Variants in SLC6A3 observed in about 807,000 individuals in gnomAD.
The protein encoded by SLC6A3 is sodium-dependent dopamine transporter.
Under a neutral mutation model 70.4 loss-of-function variants are expected in SLC6A3, and 19 were observed. That is an observed-to-expected ratio of 0.27 (90% CI 0.19 to 0.40). The LOEUF (loss-of-function observed/expected upper bound fraction) is 0.40. Among genes scored for constraint, SLC6A3 ranks in the 10% least tolerant of loss-of-function variants. The pLI is 1.00. For missense variants in SLC6A3, 613 were observed against 838.5 expected, an observed-to-expected ratio of 0.73 and a Z score of 3.32; for synonymous variants, 368 against 356.6, an observed-to-expected ratio of 1.03 and a Z score of -0.36.
Position 1,442,836 on chromosome 5 carries a change from G to A in SLC6A3, c.286+76C>T, listed in dbSNP as rs937528252. 4.7e-5 allele frequency: 69 copies of A among 1,462,270 alleles called. No individual in the cohort carries two copies. Among genetic ancestry groups the A allele is most frequent in the Non-Finnish European group, 5.5e-5 (57 of 1,044,546 alleles). The allele number at this position is 1,462,270 out of a possible 1,614,324, so 90.6% of individuals were successfully genotyped here. A position where few individuals can be genotyped will look rare whatever the true frequency, so the allele number is the denominator to read the frequency against. On this transcript the variant is annotated intron_variant, in intron 2 of 14. Coordinates refer to ENST00000270349, the MANE Select transcript of SLC6A3 (RefSeq NM_001044.5). The surrounding 1 kb of genome is among the most constrained non-coding windows in gnomAD (Gnocchi z 5.0). ...ATGGGAACAGCTTCATCTCGTTTCC[G>A]TACGTGCCTTGGCCCCGGCTGCCCC...
intron 4 of SLC6A3, among the ~76,000 whole-genome samples, chr5:1,424,192 ATT>A (rs1486778700): frequency 6.6e-6 from 1 of 152,202 alleles, no homozygotes; most frequent in Non-Finnish European, 1.5e-5. Context: ...CATCGCCACC[ATT>A]CTCTGCTCTT....
intron 1 of SLC6A3, among the ~76,000 whole-genome samples, chr5:1,444,665 T>C (rs1218466463): frequency 6.6e-6 from 1 of 152,118 alleles, no homozygotes; most frequent in Non-Finnish European, 1.5e-5. Flanking sequence ...GGAGGCCGCG[T>C]TGGGAGAGGG....
At chr5:1,440,659 G>T (rs765645247) in intron 3 of SLC6A3, among the ~76,000 whole-genome samples, 23 of 152,170 alleles carry the variant, frequency 1.5e-4, no homozygotes, top group Non-Finnish European at 2.9e-4. Flanking sequence ...AATCCAACAG[G>T]ACTTCTGGCC....
Position 1,421,799 on chromosome 5 carries a change from C to T in SLC6A3, c.792+77G>A, listed in dbSNP as rs1297415160. 2 of 1,529,382 alleles carry T rather than the reference C, an allele frequency of 1.3e-6. No individual in the cohort carries two copies. Among genetic ancestry groups the T allele is most frequent in the African/African-American group, 2.7e-5 (2 of 73,218 alleles). 94.7% of individuals were successfully genotyped at this position (1,529,382 alleles called of 1,614,324 possible). On this transcript the variant is annotated intron_variant, in intron 5 of 14. Coordinates refer to ENST00000270349, the MANE Select transcript of SLC6A3 (RefSeq NM_001044.5). The surrounding 1 kb of genome is among the most constrained non-coding windows in gnomAD (Gnocchi z 7.2). The stretch of plus-strand genomic sequence containing the variant: ...AACCCAACTGAGGCCACACGTGCAC[C>T]TCCTGTCCAGCCACGGCCACATGTC...
At chr5:1,434,315 G>A (rs457702) in intron 3 of SLC6A3, among the ~76,000 whole-genome samples, 47,387 of 152,102 alleles carry the variant, frequency 0.31, 8,340 homozygotes, top group East Asian at 0.53. Flanking sequence ...TTGACCTTCC[G>A]AGGCCTTCCA....
chr5:1,443,857 TG>T (rs769382109), intron 1 of SLC6A3, among the ~76,000 whole-genome samples: 47 of 144,482 alleles, frequency 3.3e-4, no homozygotes, highest in Middle Eastern at 3.7e-3. Flanking sequence ...TGTGTTTTTT[TG>T]TTGTTGTTGT....
Position 1,404,389 on chromosome 5 carries a change from G to A in SLC6A3, c.1600-1300C>T, listed in dbSNP as rs907407231. ...GAGCCACGCGTGCATCCCTGGACAT[G>A]TCGGGCTTGCCTATCTGACATGGAG... is the stretch of plus-strand genomic sequence containing the variant. On this transcript the variant is annotated intron_variant, in intron 12 of 14. Coordinates refer to ENST00000270349, the MANE Select transcript of SLC6A3 (RefSeq NM_001044.5). The surrounding 1 kb of genome is among the most constrained non-coding windows in gnomAD (Gnocchi z 5.2). Among the ~76,000 whole-genome samples the A allele has an allele frequency of 6.6e-6, 1 of 152,244 alleles. No individual in the cohort carries two copies. Among genetic ancestry groups the A allele is most frequent in the Non-Finnish European group, 1.5e-5 (1 of 68,036 alleles).
intron 7 of SLC6A3, among the ~76,000 whole-genome samples, chr5:1,415,747 G>A (rs1756275041): frequency 6.6e-6 from 1 of 152,106 alleles, no homozygotes; most frequent in Non-Finnish European, 1.5e-5. Context: ...AGCGAGGGAG[G>A]ACAGAGACCC....
At position 1,435,263 on chromosome 5, in the gene SLC6A3, C is replaced by T. The variant is rs72763593; in HGVS notation, c.419-2565G>A. On this transcript the variant is annotated intron_variant, in intron 3 of 14. Coordinates refer to ENST00000270349, the MANE Select transcript of SLC6A3 (RefSeq NM_001044.5). ...GCAGCCAGGTTGGGAGCCACACTGT[C>T]GGTGAGCCACATTGTTTCCAGAGAG... Among the ~76,000 whole-genome samples the T allele has an allele frequency of 4.9e-3, 749 of 152,334 alleles. 4 individuals carry two copies. Among genetic ancestry groups the T allele is most frequent in the Non-Finnish European group, 8.1e-3 (548 of 68,028 alleles).
Position 1,402,445 on chromosome 5 carries a change from G to C in SLC6A3, c.1767+477C>G, listed in dbSNP as rs28363136. On this transcript the variant is annotated intron_variant, in intron 13 of 14. Transcript: ENST00000270349. This position sits in a 1 kb window ranked among gnomAD's most constrained non-coding sequence, Gnocchi z 8.5. ...CCAAAGTTGGGCTCGGCCCTGGGGG[G>C]ACCTAGATCACCCCTGATTCTACCG... Among the ~76,000 whole-genome samples, 2 of 152,018 alleles carry C rather than the reference G, an allele frequency of 1.3e-5. No homozygotes were observed. Among genetic ancestry groups the C allele is most frequent in the African/African-American group, 4.8e-5 (2 of 41,386 alleles).
At position 1,442,952 on chromosome 5, in the gene SLC6A3, G is replaced by T; in HGVS notation, c.246C>A (p.Asn82Lys). 1 of 1,614,214 alleles carries T rather than the reference G, an allele frequency of 6.2e-7. No individual in the cohort carries two copies. The highest frequency in any genetic ancestry group is 8.5e-7 in the Non-Finnish European group (1 of 1,180,048). ...SVIGFAVDLA[N>K]VWRFPYLCYK... ...AGCACAGGTAGGGGAACCGCCAGACGTTGGCCAGGTCCACAGCAAAGCCAA... is the reference window on the plus strand; with the variant it reads ...AGCACAGGTAGGGGAACCGCCAGACTTTGGCCAGGTCCACAGCAAAGCCAA... The change falls in exon 2 of 15, where the codon AAC becomes AAA. Residue 82 changes from asparagine to lysine, a missense_variant. Physicochemically the swap from Asn to Lys is moderately conservative, Grantham distance 94. Coordinates refer to ENST00000270349, the MANE Select transcript of SLC6A3 (RefSeq NM_001044.5). This position sits in a 1 kb window ranked among gnomAD's most constrained non-coding sequence, Gnocchi z 5.0.
intron 9 of SLC6A3, among the ~76,000 whole-genome samples, chr5:1,410,900 A>T (rs2126342913): frequency 6.6e-6 from 1 of 151,838 alleles, no homozygotes; most frequent in Admixed American, 6.6e-5. Context: ...ATGCATGTGC[A>T]TGGTGGTGTG....
In SLC6A3 at chr5:1,406,413, C is replaced by T. The variant is rs1755980774; in HGVS notation, c.1499-125G>A. 5 of 816,442 alleles carry T rather than the reference C, an allele frequency of 6.1e-6. No individual in the cohort carries two copies. Among genetic ancestry groups the T allele is most frequent in the Non-Finnish European group, 1.0e-5 (5 of 477,682 alleles). 50.6% of individuals were successfully genotyped at this position (816,442 alleles called of 1,614,324 possible). On this transcript the variant is annotated intron_variant, in intron 11 of 14. Transcript: ENST00000270349. The surrounding 1 kb of genome is among the most constrained non-coding windows in gnomAD (Gnocchi z 8.8). ...ACCGGCCCCAGGCTTCGGCTGCACC[C>T]AGCCTCCTGCAGAGGAGGCCAGGCC...
chr5:1,408,877 C>A lies in SLC6A3; in HGVS notation c.1498+149G>T. 1.4e-6 allele frequency: 1 copy of A among 696,796 alleles called. No individual in the cohort carries two copies. The highest frequency in any genetic ancestry group is 1.5e-5 in the South Asian group (1 of 65,046). 43.2% of individuals were successfully genotyped at this position (696,796 alleles called of 1,614,324 possible). On this transcript the variant is annotated intron_variant, in intron 11 of 14. Coordinates refer to ENST00000270349, the MANE Select transcript of SLC6A3 (RefSeq NM_001044.5). The surrounding 1 kb of genome is among the most constrained non-coding windows in gnomAD (Gnocchi z 6.4). ...CTGATCCCATCAAAGGGACCAGTGC[C>A]AAGCCTCTCCCCTCTGCGGAGCTGT...
At chr5:1,425,250 A>T (rs942455764) in intron 4 of SLC6A3, among the ~76,000 whole-genome samples, 1 of 152,228 alleles carries the variant, frequency 6.6e-6, no homozygotes, top group Non-Finnish European at 1.5e-5. Flanking sequence ...TGATGACCTC[A>T]CAGCAGCCCT....
chr5:1,394,611 G>A lies in SLC6A3; in HGVS notation c.*124C>T. 1.1e-6 allele frequency: 1 copy of A among 947,878 alleles called. No homozygotes were observed. Among genetic ancestry groups the A allele is most frequent in the Non-Finnish European group, 1.7e-6 (1 of 574,834 alleles). The allele number at this position is 947,878 out of a possible 1,614,324, so 58.7% of individuals were successfully genotyped here. ...AGAGGAGTCTTCTGCTTTGTTGTTT[G>A]TGTTTTCAGTAGAGGTTGAAGAGTA... On this transcript the variant is annotated 3_prime_UTR_variant, in exon 15 of 15. Coordinates refer to ENST00000270349, the MANE Select transcript of SLC6A3 (RefSeq NM_001044.5). This position sits in a 1 kb window ranked among gnomAD's most constrained non-coding sequence, Gnocchi z 4.7.
intron 1 of SLC6A3, among the ~76,000 whole-genome samples, chr5:1,443,994 G>C (rs1052304214): frequency 1.3e-5 from 2 of 152,166 alleles, no homozygotes; most frequent in African/African-American, 2.4e-5. Flanking sequence ...CACCAAGCCT[G>C]GGCTTGTATT....
rs1327326307 is a variant in SLC6A3, at chr5:1,438,688, C to G, written c.418+2671G>C. 6.6e-6 allele frequency among the ~76,000 whole-genome samples: 1 copy of G among 152,236 alleles called. No individual in the cohort carries two copies. The highest frequency in any genetic ancestry group is 1.5e-5 in the Non-Finnish European group (1 of 68,042). ...TTCTCCTGCCCTCCTCACCTGAATC[C>G]TGCACGTGAAGAGGTGATTTAACTT... On this transcript the variant is annotated intron_variant, in intron 3 of 14. Coordinates refer to ENST00000270349, the MANE Select transcript of SLC6A3 (RefSeq NM_001044.5). This position sits in a 1 kb window ranked among gnomAD's most constrained non-coding sequence, Gnocchi z 6.5.
rs1465363255 is a variant in SLC6A3, at chr5:1,411,721, C to T, written c.1157-366G>A. On this transcript the variant is annotated intron_variant, in intron 8 of 14. Coordinates refer to ENST00000270349, the MANE Select transcript of SLC6A3 (RefSeq NM_001044.5). This position sits in a 1 kb window ranked among gnomAD's most constrained non-coding sequence, Gnocchi z 6.5. ...CATCCCAGGGACATCTGCTAATGTC[C>T]TTCGAGTTAGTTTTTCCTGCACATA... Among the ~76,000 whole-genome samples the T allele has an allele frequency of 6.6e-6, 1 of 152,192 alleles. No individual in the cohort carries two copies. The highest frequency in any genetic ancestry group is 1.5e-5 in the Non-Finnish European group (1 of 68,036).
Sources: gnomAD v4.1 joint callset for allele counts (sites outside exome capture counted in the v4.1 genomes callset) on GRCh38, gnomAD v4.1.1 for gene constraint, Gnocchi (gnomAD v3.1) non-coding constraint, MANE v1.5 for transcripts, NCBI Gene and HGNC (gene_info 2026-07-23, HGNC 2026-07-21) for gene names.